Variants in EHBP1 observed in about 807,000 individuals in gnomAD.
EHBP1 encodes the protein EH domain-binding protein 1.
A neutral mutation model predicts 144.0 loss-of-function variants in EHBP1; 55 were observed. That is an observed-to-expected ratio of 0.38 (90% CI 0.31 to 0.48). The LOEUF (loss-of-function observed/expected upper bound fraction) is 0.48. Ranked by LOEUF, EHBP1 falls within the 20% of genes least tolerant of loss-of-function variation. The pLI is 0.98. For synonymous variants in EHBP1, 469 were observed against 472.7 expected, an observed-to-expected ratio of 0.99 and a Z score of 0.10; for missense variants, 1,200 against 1,364.2, an observed-to-expected ratio of 0.88 and a Z score of 1.90.
At chr2:62,800,903 G>A (rs566817334) in intron 5 of EHBP1, among the ~76,000 whole-genome samples, 7 of 152,262 alleles carry the variant, frequency 4.6e-5, no homozygotes, top group East Asian at 1.9e-4. Flanking sequence ...CATTCACAGG[G>A]TCACTTTCAG....
At chr2:62,738,213 CAT>C (rs2038345626) in intron 2 of EHBP1, among the ~76,000 whole-genome samples, 1 of 152,174 alleles carries the variant, frequency 6.6e-6, no homozygotes, top group Non-Finnish European at 1.5e-5. Flanking sequence ...GCCCTCCTAT[CAT>C]ATCCTCCCTG....
intron 18 of EHBP1, 131 bp downstream of exon 18, chr2:62,994,108 G>A: frequency 3.6e-6 from 2 of 554,026 alleles, no homozygotes; most frequent in Admixed American, 6.1e-5. Flanking sequence ...TCAAAGCAGA[G>A]TGAGAGGGGT....
intron 12 of EHBP1, among the ~76,000 whole-genome samples, chr2:62,945,794 T>C (rs1035688509): frequency 2.6e-5 from 4 of 152,228 alleles, no homozygotes; most frequent in South Asian, 2.1e-4. Flanking sequence ...TTTTCACAAA[T>C]GCATAATGCT....
At chr2:63,041,536 G>T (rs944614228) in intron 21 of EHBP1, among the ~76,000 whole-genome samples, 1 of 152,268 alleles carries the variant, frequency 6.6e-6, no homozygotes, top group Non-Finnish European at 1.5e-5. Context: ...CACTATTTTT[G>T]TAGTTATGGT....
At chr2:63,003,243 G>C (rs926061628) in intron 19 of EHBP1, among the ~76,000 whole-genome samples, 2 of 151,942 alleles carry the variant, frequency 1.3e-5, no homozygotes, top group Non-Finnish European at 2.9e-5. Flanking sequence ...AAACGTAATT[G>C]AATTAGCAGA....
At chr2:62,854,176 A>G (rs996146190) in intron 7 of EHBP1, among the ~76,000 whole-genome samples, 6 of 152,170 alleles carry the variant, frequency 3.9e-5, no homozygotes, top group Non-Finnish European at 8.8e-5. Flanking sequence ...AATTGAGTAG[A>G]GTTAGGGCCT....
At chr2:62,935,328 CAAA>C (rs550896639) in intron 10 of EHBP1, among the ~76,000 whole-genome samples, 12,984 of 105,958 alleles carry the variant, frequency 0.12, 794 homozygotes, top group East Asian at 0.21. Context: ...GACTCCATCT[CAAA>C]AAAAAAAAAA....
At chr2:63,004,620 G>T (rs2059966427) in intron 19 of EHBP1, among the ~76,000 whole-genome samples, 1 of 152,002 alleles carries the variant, frequency 6.6e-6, no homozygotes, top group African/African-American at 2.4e-5. Flanking sequence ...AGAACAAATG[G>T]TTTTTAATAG....
chr2:62,788,047 A>G (rs1465955905), intron 5 of EHBP1, among the ~76,000 whole-genome samples: 9 of 152,148 alleles, frequency 5.9e-5, no homozygotes. Flanking sequence ...TCTTTTTCTC[A>G]GTGACAGTTT....
intron 10 of EHBP1, among the ~76,000 whole-genome samples, chr2:62,890,395 T>C (rs1335309820): frequency 6.6e-6 from 1 of 152,226 alleles, no homozygotes; most frequent in Non-Finnish European, 1.5e-5. Flanking sequence ...TCCATTTGTT[T>C]GTATCATCTC....
intron 5 of EHBP1, among the ~76,000 whole-genome samples, chr2:62,817,731 A>G (rs2045552425): frequency 6.6e-6 from 1 of 152,158 alleles, no homozygotes; most frequent in African/African-American, 2.4e-5. Context: ...GTAAATATAC[A>G]GTGTGCTCAG....
Position 62,859,209 on chromosome 2 carries a change from G to C in EHBP1, c.675G>C (p.Lys225Asn). The change falls in exon 8 of 23, where the codon AAG becomes AAC. Residue 225 changes from lysine (K) to asparagine (N), a missense_variant. Physicochemically the swap from Lys to Asn is moderately conservative, Grantham distance 94. This residue lies in a region of EHBP1 where 266 missense variants were observed against 262.4 expected (regional missense o/e 1.01). Transcript: ENST00000431489. Reference sequence around the variant, plus strand: ...TTAACTTTTTGGATGAAGCAGAAAAGGACTTGGCCACCGTGAATTCAAATC... The same window carrying C: ...TTAACTTTTTGGATGAAGCAGAAAACGACTTGGCCACCGTGAATTCAAATC... ...NKLNFLDEAEKDLATVNSNPF... is the reference protein window; with the variant it reads ...NKLNFLDEAENDLATVNSNPF... 1 of 1,612,036 alleles carries C rather than the reference G, an allele frequency of 6.2e-7. No individual in the cohort carries two copies. Among genetic ancestry groups the C allele is most frequent in the Non-Finnish European group, 8.5e-7 (1 of 1,178,712 alleles).
intron 5 of EHBP1, among the ~76,000 whole-genome samples, chr2:62,783,419 G>A (rs2042582737): frequency 6.6e-6 from 1 of 152,256 alleles, no homozygotes; most frequent in African/African-American, 2.4e-5. Flanking sequence ...CTTCCACACA[G>A]CCCTAGCAGA....
chr2:63,041,080 A>C (rs1268770167), intron 21 of EHBP1, among the ~76,000 whole-genome samples: 1 of 152,202 alleles, frequency 6.6e-6, no homozygotes, highest in Non-Finnish European at 1.5e-5. Context: ...TGCTGAAACC[A>C]TTCACCAGGA....
intron 14 of EHBP1, among the ~76,000 whole-genome samples, chr2:62,959,355 T>TC (rs777005470): frequency 3.0e-4 from 46 of 152,204 alleles, no homozygotes; most frequent in Non-Finnish European, 6.6e-4. Flanking sequence ...TAAAATCTCT[T>TC]CAAGATCTTG....
At chr2:62,897,132 T>C (rs963513370) in intron 10 of EHBP1, among the ~76,000 whole-genome samples, 11 of 152,208 alleles carry the variant, frequency 7.2e-5, no homozygotes, top group Admixed American at 3.3e-4. Context: ...ATTCTCCTCG[T>C]AGTTTTTACA....
At chr2:63,022,624 A>G (rs894715392) in intron 19 of EHBP1, among the ~76,000 whole-genome samples, 29 of 152,116 alleles carry the variant, frequency 1.9e-4, no homozygotes, top group Non-Finnish European at 3.8e-4. Flanking sequence ...CAACATTGCC[A>G]GTTCTTCCAG....
chr2:62,846,092 C>T (rs2048279934), intron 7 of EHBP1, among the ~76,000 whole-genome samples: 1 of 152,146 alleles, frequency 6.6e-6, no homozygotes, highest in South Asian at 2.1e-4. Context: ...TAGCAGAAAA[C>T]ACAGACTATA....
intron 14 of EHBP1, among the ~76,000 whole-genome samples, chr2:62,977,845 C>A (rs546926032): frequency 6.6e-6 from 1 of 152,114 alleles, no homozygotes; most frequent in Non-Finnish European, 1.5e-5. Context: ...GGAAGGATTA[C>A]TTTATTTCAT....
Sources: gnomAD v4.1 joint callset for allele counts (sites outside exome capture counted in the v4.1 genomes callset) on GRCh38, gnomAD v4.1.1 for gene constraint, gnomAD v4.1.1 regional missense constraint, MANE v1.5 for transcripts, NCBI Gene and HGNC (gene_info 2026-07-23, HGNC 2026-07-21) for gene names.